Variants in RSPO3 observed in about 807,000 individuals in gnomAD.
The protein encoded by RSPO3 is R-spondin-3.
In RSPO3, 17 loss-of-function variants were observed where a neutral mutation model predicts 36.5. That is an observed-to-expected ratio of 0.47 (90% CI 0.32 to 0.70). RSPO3 has a LOEUF of 0.70. Ranked by LOEUF, RSPO3 falls within the 30% of genes least tolerant of loss-of-function variation. RSPO3 has a pLI of 0.04. For synonymous variants in RSPO3, 108 were observed against 107.0 expected (o/e 1.01, Z -0.06); for missense variants, 294 against 322.5 (o/e 0.91, Z 0.68).
intron 4 of RSPO3, among the ~76,000 whole-genome samples, chr6:127,164,480 G>A (rs935117956): frequency 3.3e-5 from 5 of 152,052 alleles, no homozygotes; most frequent in African/African-American, 1.2e-4. Context: ...CACACGTTCA[G>A]GATAATGCTA....
chr6:127,188,532 A>T (rs1775342923), intron 4 of RSPO3, among the ~76,000 whole-genome samples: 1 of 151,958 alleles, frequency 6.6e-6, no homozygotes, highest in African/African-American at 2.4e-5. Context: ...TAACAGTAGT[A>T]GTCTAATGGA....
chr6:127,136,573 A>T (rs910803836), intron 1 of RSPO3, among the ~76,000 whole-genome samples: 5 of 152,066 alleles, frequency 3.3e-5, no homozygotes, highest in Non-Finnish European at 5.9e-5. Flanking sequence ...GTCTTATTTG[A>T]TTTTTTTCTC....
At chr6:127,132,763 CTG>C (rs1387148897) in intron 1 of RSPO3, among the ~76,000 whole-genome samples, 10 of 152,082 alleles carry the variant, frequency 6.6e-5, no homozygotes, top group South Asian at 4.1e-4. Flanking sequence ...TGTTCCCTTT[CTG>C]TGCTTTCCTG....
At chr6:127,153,635 C>T (rs1274513167) in intron 3 of RSPO3, among the ~76,000 whole-genome samples, 1 of 152,014 alleles carries the variant, frequency 6.6e-6, no homozygotes, top group African/African-American at 2.4e-5. Context: ...TCCAAGTGTA[C>T]ATTTGCTTAG....
At chr6:127,126,654 A>C (rs1286220887) in intron 1 of RSPO3, among the ~76,000 whole-genome samples, 1 of 152,108 alleles carries the variant, frequency 6.6e-6, no homozygotes, top group Non-Finnish European at 1.5e-5. Context: ...ATAAAAATAA[A>C]ATTTTGAACC....
intron 4 of RSPO3, among the ~76,000 whole-genome samples, chr6:127,194,600 G>C (rs1775475409): frequency 6.6e-6 from 1 of 152,182 alleles, no homozygotes; most frequent in Admixed American, 6.5e-5. Context: ...TTTGGTGCCA[G>C]GTTTATCTAC....
intron 1 of RSPO3, chr6:127,119,796 C>G (rs896144433): frequency 4.6e-5 from 7 of 152,682 alleles, no homozygotes; most frequent in African/African-American, 1.7e-4. Flanking sequence ...GCCCGCTACC[C>G]GGCCAGGAAG....
chr6:127,161,948 CACTT>C (rs1774717750), intron 4 of RSPO3, among the ~76,000 whole-genome samples: 1 of 152,106 alleles, frequency 6.6e-6, no homozygotes, highest in African/African-American at 2.4e-5. Context: ...AAACAACAAC[CACTT>C]ACTTAACAAT....
chr6:127,173,463 T>C (rs556260770), intron 4 of RSPO3, among the ~76,000 whole-genome samples: 1 of 152,022 alleles, frequency 6.6e-6, no homozygotes, highest in South Asian at 2.1e-4. Context: ...AGAATCTCAC[T>C]TGGCTTTTTA....
At chr6:127,148,121 C>T (rs1242874007) in intron 1 of RSPO3, among the ~76,000 whole-genome samples, 1 of 152,050 alleles carries the variant, frequency 6.6e-6, no homozygotes, top group Non-Finnish European at 1.5e-5. Context: ...AGATATAAAA[C>T]TTAGTGTCCT....
chr6:127,187,252 T>C (rs1478414921), intron 4 of RSPO3, among the ~76,000 whole-genome samples: 1 of 152,154 alleles, frequency 6.6e-6, no homozygotes, highest in African/African-American at 2.4e-5. Context: ...ACAATGTTGT[T>C]AGGCAGGCTT....
intron 4 of RSPO3, among the ~76,000 whole-genome samples, chr6:127,172,740 AT>A (rs1774965806): frequency 6.6e-6 from 1 of 151,850 alleles, no homozygotes; most frequent in Non-Finnish European, 1.5e-5. Context: ...CTCATTTAAA[AT>A]TCTTTAAATA....
In RSPO3 at chr6:127,174,155, G is replaced by A. The variant is rs554705706; in HGVS notation, c.634+18717G>A. 7.9e-5 allele frequency among the ~76,000 whole-genome samples: 12 copies of A among 151,932 alleles called. No individual in the cohort carries two copies. In the East Asian group the frequency reaches 2.3e-3, roughly 30 times the overall value. On this transcript the variant is annotated intron_variant, in intron 4 of 4. Coordinates refer to ENST00000356698, the MANE Select transcript of RSPO3 (RefSeq NM_032784.5). Reference sequence around the variant, plus strand: ...AGGCTTAAAAATTTAAAGAGGCTTTGAAATACTTTTTAGGCATGAAATTGA... The same window carrying A: ...AGGCTTAAAAATTTAAAGAGGCTTTAAAATACTTTTTAGGCATGAAATTGA...
At chr6:127,134,523 CAAT>C (rs1774115540) in intron 1 of RSPO3, among the ~76,000 whole-genome samples, 2 of 152,162 alleles carry the variant, frequency 1.3e-5, no homozygotes, top group Non-Finnish European at 2.9e-5. Flanking sequence ...ACATACAAGT[CAAT>C]CTACTTAAAG....
At chr6:127,190,729 T>C (rs1243908876) in intron 4 of RSPO3, among the ~76,000 whole-genome samples, 1 of 152,238 alleles carries the variant, frequency 6.6e-6, no homozygotes, top group African/African-American at 2.4e-5. Flanking sequence ...TATAACCTAG[T>C]TTGTCTTGGG....
intron 4 of RSPO3, among the ~76,000 whole-genome samples, chr6:127,188,050 C>T (rs1347127995): frequency 2.0e-5 from 3 of 152,040 alleles, no homozygotes; most frequent in African/African-American, 7.2e-5. Context: ...AGCTAATGGC[C>T]CTTTTAAATG....
intron 1 of RSPO3, among the ~76,000 whole-genome samples, chr6:127,131,166 C>A (rs999686817): frequency 6.6e-6 from 1 of 152,054 alleles, no homozygotes; most frequent in Non-Finnish European, 1.5e-5. Context: ...GCATACTTGG[C>A]CCTAGTACAA....
chr6:127,154,580 TA>T (rs1774556088), intron 3 of RSPO3, among the ~76,000 whole-genome samples: 1 of 152,108 alleles, frequency 6.6e-6, no homozygotes, highest in South Asian at 2.1e-4. Context: ...CAGATATCAA[TA>T]TTTAAGCGTA....
At chr6:127,128,605 T>C (rs1378901016) in intron 1 of RSPO3, among the ~76,000 whole-genome samples, 1 of 152,110 alleles carries the variant, frequency 6.6e-6, no homozygotes, top group East Asian at 1.9e-4. Context: ...ATGTGGAGTG[T>C]GATTACAAAT....
Sources: gnomAD v4.1 joint callset for allele counts (sites outside exome capture counted in the v4.1 genomes callset) on GRCh38, gnomAD v4.1.1 for gene constraint, MANE v1.5 for transcripts, NCBI Gene and HGNC (gene_info 2026-07-23, HGNC 2026-07-21) for gene names.